RALGAPA2: variants seen among roughly 807,000 people sequenced by gnomAD.
RALGAPA2 encodes the protein ral GTPase-activating protein subunit alpha-2.
RALGAPA2 carries 139 observed loss-of-function variants against 230.4 expected under a neutral mutation model. The ratio of observed to expected loss-of-function variants is 0.60; its 90% CI spans 0.53 to 0.69. The LOEUF (loss-of-function observed/expected upper bound fraction) is 0.69, where lower values mean the gene tolerates loss of function less well. Among genes scored for constraint, RALGAPA2 ranks in the 30% least tolerant of loss-of-function variants. The probability of loss-of-function intolerance (pLI) is 0.00; values close to 1 mark genes in which losing one functional copy is unlikely to be tolerated. For missense variants in RALGAPA2, 2,163 were observed against 2,276.0 expected (o/e 0.95, Z 1.01); for synonymous variants, 847 against 837.8 (o/e 1.01, Z -0.19).
intron 12 of RALGAPA2, 110 bp from the exon 13 acceptor site, chr20:20,616,301 T>G (rs1296271576): frequency 1.0e-6 from 1 of 961,704 alleles, no homozygotes; most frequent in Non-Finnish European, 1.5e-6. Flanking sequence ...TTTTCAGTTA[T>G]TTCCAAAAGA....
At chr20:20,611,789 T>C (rs1001001777) in intron 13 of RALGAPA2, among the ~76,000 whole-genome samples, 3 of 152,210 alleles carry the variant, frequency 2.0e-5, no homozygotes, top group Non-Finnish European at 2.9e-5. Context: ...CTCTTTAATT[T>C]TGCTATCCAC....
chr20:20,586,094 A>G (rs1436472394), intron 18 of RALGAPA2, among the ~76,000 whole-genome samples: 1 of 152,202 alleles, frequency 6.6e-6, no homozygotes, highest in African/African-American at 2.4e-5. Context: ...CTTAGTTAAA[A>G]AACAGAATGT....
intron 38 of RALGAPA2, among the ~76,000 whole-genome samples, chr20:20,408,077 A>C (rs564697808): frequency 6.6e-6 from 1 of 152,330 alleles, no homozygotes; most frequent in South Asian, 2.1e-4. Flanking sequence ...ATAAACAAAG[A>C]CCTGTGCTCC....
chr20:20,637,362 C>A lies in RALGAPA2; in HGVS notation c.805+1G>T. On this transcript the variant is annotated splice_donor_variant, in intron 8 of 39. Coordinates refer to ENST00000202677, the MANE Select transcript of RALGAPA2 (RefSeq NM_020343.4). LOFTEE classifies it high-confidence loss of function. ...CTATACACGGCTCCAACAGTACTTA[C>A]CAAGTACAGGTTTGTAGATGTTTGT... 6.3e-7 allele frequency: 1 copy of A among 1,597,072 alleles called. No homozygotes were observed. The highest frequency in any genetic ancestry group is 8.5e-7 in the Non-Finnish European group (1 of 1,170,266).
chr20:20,613,767 C>A (rs777621703), intron 13 of RALGAPA2, among the ~76,000 whole-genome samples: 10 of 152,182 alleles, frequency 6.6e-5, no homozygotes, highest in Non-Finnish European at 1.2e-4. Flanking sequence ...TTCCCTTAGA[C>A]CTCCCCAAGG....
rs1430062693 is a variant in RALGAPA2, at chr20:20,462,183, A to G, written c.5495+10646T>C. On this transcript the variant is annotated intron_variant, in intron 37 of 39. Transcript: ENST00000202677. The stretch of plus-strand genomic sequence containing the variant: ...GTGATTCTGATGAAAAGAGTTACAA[A>G]AAGACCATCTGAACATACAGAATAT... Among the ~76,000 whole-genome samples, 4 of 152,232 alleles carry G rather than the reference A, an allele frequency of 2.6e-5. No individual in the cohort carries two copies. The East Asian group carries it at 7.7e-4, about 29-fold the overall frequency.
intron 16 of RALGAPA2, among the ~76,000 whole-genome samples, chr20:20,595,392 TCAG>T (rs2065421367): frequency 6.6e-6 from 1 of 152,142 alleles, no homozygotes. Flanking sequence ...GCATATCAGC[TCAG>T]CATCTTGAGG....
Position 20,437,894 on chromosome 20 carries a change from TAC to T in RALGAPA2, c.5496-25748_5496-25747del, listed in dbSNP as rs1161476607. ...GCACCCAGAGAACAGGCCCCATACC[TAC>T]AGAGTCTCAGAAACCACTCTCGCAG... is the stretch of plus-strand genomic sequence containing the variant. On this transcript the variant is annotated intron_variant, in intron 37 of 39. Transcript: ENST00000202677. This position sits in a 1 kb window ranked among gnomAD's most constrained non-coding sequence, Gnocchi z 4.1. 3.9e-5 allele frequency among the ~76,000 whole-genome samples: 6 copies of T among 152,258 alleles called. No homozygotes were observed. The East Asian group carries it at 9.7e-4, about 25-fold the overall frequency.
At chr20:20,467,481 A>T (rs1426313422) in intron 37 of RALGAPA2, among the ~76,000 whole-genome samples, 1 of 152,182 alleles carries the variant, frequency 6.6e-6, no homozygotes, top group African/African-American at 2.4e-5. Flanking sequence ...TTTCTAAAAA[A>T]ATATTTCTTG....
intron 36 of RALGAPA2, among the ~76,000 whole-genome samples, chr20:20,484,450 T>C (rs750476902): frequency 6.6e-5 from 10 of 152,084 alleles, no homozygotes; most frequent in African/African-American, 1.2e-4. Flanking sequence ...AAATGGTTCA[T>C]TGGGCTTGGA....
chr20:20,567,564 C>T (rs1194392680), intron 23 of RALGAPA2, among the ~76,000 whole-genome samples: 2 of 152,174 alleles, frequency 1.3e-5, no homozygotes, highest in Non-Finnish European at 2.9e-5. Context: ...GACCAATACG[C>T]TTGCTGTGAA....
At chr20:20,478,595 A>T (rs1230744270) in intron 36 of RALGAPA2, among the ~76,000 whole-genome samples, 3 of 152,156 alleles carry the variant, frequency 2.0e-5, no homozygotes, top group Non-Finnish European at 4.4e-5. Flanking sequence ...CAAATACCGC[A>T]TGTTCTCACT....
intron 24 of RALGAPA2, among the ~76,000 whole-genome samples, chr20:20,544,949 C>T (rs1314885552): frequency 6.6e-6 from 1 of 152,108 alleles, no homozygotes; most frequent in East Asian, 1.9e-4. Context: ...CAGCAAACCA[C>T]CATGGCACAT....
chr20:20,706,586 T>C (rs1239789234), intron 1 of RALGAPA2, among the ~76,000 whole-genome samples: 1 of 152,216 alleles, frequency 6.6e-6, no homozygotes, highest in African/African-American at 2.4e-5. Context: ...CGTCTGCCCA[T>C]GCTCAAATCA....
At chr20:20,432,507 G>C (rs1351723453) in intron 37 of RALGAPA2, among the ~76,000 whole-genome samples, 1 of 152,140 alleles carries the variant, frequency 6.6e-6, no homozygotes, top group East Asian at 1.9e-4. Flanking sequence ...CACCTACCTG[G>C]ATTTTTAAAT....
chr20:20,596,231 C>T (rs1388461725), intron 16 of RALGAPA2, among the ~76,000 whole-genome samples: 1 of 152,110 alleles, frequency 6.6e-6, no homozygotes, highest in Non-Finnish European at 1.5e-5. Flanking sequence ...GAAAAACAAA[C>T]AATCGTAGCT....
At chr20:20,654,739 A>G (rs904442701) in intron 3 of RALGAPA2, among the ~76,000 whole-genome samples, 1 of 152,200 alleles carries the variant, frequency 6.6e-6, no homozygotes, top group Non-Finnish European at 1.5e-5. Flanking sequence ...ACTGATTTTA[A>G]TTCCTTGGGA....
chr20:20,669,451 C>T (rs1603228878), intron 3 of RALGAPA2, among the ~76,000 whole-genome samples: 1 of 152,156 alleles, frequency 6.6e-6, no homozygotes, highest in African/African-American at 2.4e-5. Flanking sequence ...GCAAACCAAC[C>T]AATCCCAAAT....
rs775083034 is a variant in RALGAPA2, at chr20:20,581,653, A to C, written c.2707+1397T>G. On this transcript the variant is annotated intron_variant, in intron 20 of 39. Coordinates refer to ENST00000202677, the MANE Select transcript of RALGAPA2 (RefSeq NM_020343.4). Reference sequence around the variant, plus strand: ...AAATTCTTTGTAAATGTTGAATCTCATATCAATGTATAGTATTATTAGTCA... The same window carrying C: ...AAATTCTTTGTAAATGTTGAATCTCCTATCAATGTATAGTATTATTAGTCA... Among the ~76,000 whole-genome samples the C allele has an allele frequency of 5.9e-5, 9 of 152,212 alleles. 1 individual carries two copies. In the South Asian group the frequency reaches 1.9e-3, roughly 31 times the overall value.
Sources: gnomAD v4.1 joint callset for allele counts (sites outside exome capture counted in the v4.1 genomes callset) on GRCh38, gnomAD v4.1.1 for gene constraint, Gnocchi (gnomAD v3.1) non-coding constraint, MANE v1.5 for transcripts, NCBI Gene and HGNC (gene_info 2026-07-23, HGNC 2026-07-21) for gene names.